GREB1L: variants seen among roughly 807,000 people sequenced by gnomAD.
GREB1L encodes GREB1-like protein.
A neutral mutation model predicts 200.8 loss-of-function variants in GREB1L; 17 were observed. That is an observed-to-expected ratio of 0.08 (90% CI 0.06 to 0.13). The LOEUF (loss-of-function observed/expected upper bound fraction) is 0.13. GREB1L is among the 10% of genes least tolerant of loss of function. GREB1L has a pLI of 1.00. For missense variants in GREB1L, 1,657 were observed against 2,367.7 expected (o/e 0.70, Z 6.23); for synonymous variants, 789 against 893.0 (o/e 0.88, Z 2.08).
intron 1 of GREB1L, among the ~76,000 whole-genome samples, chr18:21,304,159 G>A (rs180697190): frequency 3.3e-5 from 5 of 152,150 alleles, no homozygotes; most frequent in Admixed American, 1.3e-4. Context: ...AGAGCAATGC[G>A]TCTGGTTGTG....
chr18:21,319,999 G>C (rs1285369074), intron 1 of GREB1L, among the ~76,000 whole-genome samples: 1 of 152,126 alleles, frequency 6.6e-6, no homozygotes, highest in Non-Finnish European at 1.5e-5. Context: ...TCAAATTTTT[G>C]AATAGGACTT....
chr18:21,249,080 TGTA>T (rs1343073262), intron 1 of GREB1L, among the ~76,000 whole-genome samples: 9 of 152,184 alleles, frequency 5.9e-5, no homozygotes, highest in Admixed American at 1.3e-4. Flanking sequence ...AAAATCAAGT[TGTA>T]GTAAATATCT....
intron 10 of GREB1L, among the ~76,000 whole-genome samples, chr18:21,443,323 C>A (rs755079108): frequency 6.6e-6 from 1 of 152,144 alleles, no homozygotes. Context: ...CTGCCTCAGC[C>A]TCCCATGTAG....
At chr18:21,295,490 T>C (rs371625013) in intron 1 of GREB1L, among the ~76,000 whole-genome samples, 52 of 152,304 alleles carry the variant, frequency 3.4e-4, no homozygotes, top group Middle Eastern at 6.8e-3. Flanking sequence ...GGCTGGAAAG[T>C]GTGCTTTGTG....
chr18:21,511,953 T>A (rs1418759679), intron 27 of GREB1L, among the ~76,000 whole-genome samples: 1 of 152,184 alleles, frequency 6.6e-6, no homozygotes, highest in Non-Finnish European at 1.5e-5. Flanking sequence ...CCCCCAACTG[T>A]GTTTGTTGAC....
At chr18:21,315,849 A>C (rs1388139779) in intron 1 of GREB1L, among the ~76,000 whole-genome samples, 1 of 152,148 alleles carries the variant, frequency 6.6e-6, no homozygotes, top group Non-Finnish European at 1.5e-5. Flanking sequence ...AGAGGCAGCC[A>C]GCCTGCTCCG....
chr18:21,371,832 C>T (rs142010113), intron 2 of GREB1L, among the ~76,000 whole-genome samples: 46 of 150,216 alleles, frequency 3.1e-4, no homozygotes, highest in African/African-American at 1.1e-3. Context: ...ATTTTCTGCA[C>T]TTTTTTTCTG....
chr18:21,398,557 T>C (rs902515107), intron 5 of GREB1L, among the ~76,000 whole-genome samples: 5 of 152,206 alleles, frequency 3.3e-5, no homozygotes, highest in Admixed American at 2.6e-4. Context: ...TTTTCTTAAA[T>C]AAACACATTG....
intron 4 of GREB1L, among the ~76,000 whole-genome samples, chr18:21,393,701 T>C (rs2040925156): frequency 6.6e-6 from 1 of 152,124 alleles, no homozygotes. Flanking sequence ...AGTGCTGAGA[T>C]TACAGGTGCG....
chr18:21,363,445 G>C (rs1319628297), intron 1 of GREB1L: 1 of 151,792 alleles, frequency 6.6e-6, no homozygotes, highest in South Asian at 2.1e-4. Context: ...GATTTTTTTT[G>C]TGTGTGTGGC....
intron 15 of GREB1L, among the ~76,000 whole-genome samples, chr18:21,469,494 T>A (rs888713027): frequency 2.6e-5 from 4 of 152,236 alleles, no homozygotes; most frequent in African/African-American, 9.6e-5. Flanking sequence ...TTTGTATTGT[T>A]CTGCCTCAAC....
chr18:21,480,215 G>A (rs1435237196), intron 17 of GREB1L, among the ~76,000 whole-genome samples: 4 of 152,170 alleles, frequency 2.6e-5, no homozygotes, highest in Non-Finnish European at 5.9e-5. Context: ...GCTGGGTGTG[G>A]TGGCAGGCAC....
intron 1 of GREB1L, among the ~76,000 whole-genome samples, chr18:21,297,944 G>A (rs2038556020): frequency 1.3e-5 from 2 of 151,950 alleles, no homozygotes; most frequent in Non-Finnish European, 2.9e-5. Flanking sequence ...GGATTTCAAA[G>A]GAGAAAGGAA....
rs796469970 is a variant in GREB1L at position 21,414,563 on chromosome 18, A to G, written c.832+10569A>G. Among the ~76,000 whole-genome samples, 40 of 152,340 alleles carry G rather than the reference A, an allele frequency of 2.6e-4. 1 individual carries two copies. The highest frequency in any genetic ancestry group is 9.6e-4 in the African/African-American group (40 of 41,578). ...GTAGGCAAGTTCAAGATACAGGTAG[A>G]TGATAACATAACTAGATTTTGAACT... On this transcript the variant is annotated intron_variant, in intron 7 of 32. Transcript: ENST00000424526.
chr18:21,489,100 T>C (rs2036234503), intron 18 of GREB1L, among the ~76,000 whole-genome samples: 1 of 152,192 alleles, frequency 6.6e-6, no homozygotes. Flanking sequence ...TCGTACTCAT[T>C]TTGTCATCAG....
At chr18:21,436,247 T>C (rs2033527523) in intron 7 of GREB1L, among the ~76,000 whole-genome samples, 1 of 152,182 alleles carries the variant, frequency 6.6e-6, no homozygotes, top group South Asian at 2.1e-4. Context: ...AATTCAGGAC[T>C]GATGGTATAG....
intron 7 of GREB1L, among the ~76,000 whole-genome samples, chr18:21,411,585 A>C (rs2031018799): frequency 6.6e-6 from 1 of 152,188 alleles, no homozygotes; most frequent in South Asian, 2.1e-4. Flanking sequence ...AAGCTCTGTA[A>C]GTAGGTTGCA....
chr18:21,400,788 G>A (rs2041286117), intron 5 of GREB1L, among the ~76,000 whole-genome samples: 1 of 152,186 alleles, frequency 6.6e-6, no homozygotes, highest in African/African-American at 2.4e-5. Flanking sequence ...GGTTCTCTAA[G>A]GAAGGAGTAT....
intron 7 of GREB1L, among the ~76,000 whole-genome samples, chr18:21,433,562 G>A (rs1236485598): frequency 6.6e-6 from 1 of 152,170 alleles, no homozygotes; most frequent in Admixed American, 6.5e-5. Context: ...ACTTTGTAAT[G>A]TTGTGTGTGC....
Sources: allele counts gnomAD v4.1 joint callset (sites outside exome capture counted in the v4.1 genomes callset), GRCh38; gene constraint gnomAD v4.1.1; transcripts MANE v1.5; gene names NCBI Gene and HGNC (gene_info 2026-07-23, HGNC 2026-07-21).